The following TOX3 variants were observed in gnomAD, a reference collection of about 807,000 sequenced individuals.
The protein encoded by TOX3 is CAG trinucleotide repeat-containing gene F9 protein.
Under a neutral mutation model 64.3 loss-of-function variants are expected in TOX3, and 22 were observed. That is an observed-to-expected ratio of 0.34 (90% CI 0.24 to 0.49). The LOEUF (loss-of-function observed/expected upper bound fraction) is 0.49. Ranked by LOEUF, TOX3 falls within the 20% of genes least tolerant of loss-of-function variation. The pLI is 0.99. For synonymous variants in TOX3, 291 were observed against 273.6 expected (o/e 1.06, Z -0.63); for missense variants, 661 against 714.4 (o/e 0.93, Z 0.85).
intron 1 of TOX3, among the ~76,000 whole-genome samples, chr16:52,486,998 T>C (rs1403358416): frequency 1.3e-5 from 2 of 152,178 alleles, no homozygotes; most frequent in African/African-American, 4.8e-5. Flanking sequence ...ATGATCTTGC[T>C]TTGTTCTAAG....
Position 52,546,858 on chromosome 16 carries a change from G to C in TOX3, c.-135C>G, listed in dbSNP as rs2041040565. On this transcript the variant is annotated 5_prime_UTR_variant, in exon 1 of 7. Coordinates refer to ENST00000219746, the MANE Select transcript of TOX3 (RefSeq NM_001080430.4). ...GGGACTCGCGGCCGGAGGGGCGCCG[G>C]GACCCAGAGCCCGAGGAGCTCGGGA... The C allele has an allele frequency of 4.9e-6, 6 of 1,226,384 alleles. No individual in the cohort carries two copies. The highest frequency in any genetic ancestry group is 6.1e-6 in the Non-Finnish European group (6 of 983,332). The allele number at this position is 1,226,384 out of a possible 1,614,324, so 76.0% of individuals were successfully genotyped here.
chr16:52,541,126 T>C (rs1444518683), intron 1 of TOX3, among the ~76,000 whole-genome samples: 1 of 151,960 alleles, frequency 6.6e-6, no homozygotes, highest in Non-Finnish European at 1.5e-5. Flanking sequence ...AATCAGAATC[T>C]CCAAGGGTAA....
intron 1 of TOX3, among the ~76,000 whole-genome samples, chr16:52,513,491 T>C (rs1399992672): frequency 6.6e-6 from 1 of 152,154 alleles, no homozygotes; most frequent in Non-Finnish European, 1.5e-5. Flanking sequence ...AAATTGAAAA[T>C]ACACTAAAAC....
At chr16:52,546,215 C>T (rs1028729118) in intron 1 of TOX3, among the ~76,000 whole-genome samples, 2 of 151,902 alleles carry the variant, frequency 1.3e-5, no homozygotes, top group Non-Finnish European at 2.9e-5. Context: ...GTAAGAAGGA[C>T]TGGGGGTGGG....
chr16:52,447,490 A>C (rs574735515), intron 4 of TOX3, among the ~76,000 whole-genome samples: 1 of 152,320 alleles, frequency 6.6e-6, no homozygotes, highest in Non-Finnish European at 1.5e-5. Context: ...GAACACTCAA[A>C]GTGTTAAGAA....
intron 3 of TOX3, among the ~76,000 whole-genome samples, chr16:52,456,277 C>T (rs1014585086): frequency 2.0e-5 from 3 of 152,300 alleles, no homozygotes; most frequent in East Asian, 1.9e-4. Flanking sequence ...AAATCAATTG[C>T]GGACATTTCT....
chr16:52,484,676 T>C (rs1223679320), intron 1 of TOX3, among the ~76,000 whole-genome samples: 3 of 152,110 alleles, frequency 2.0e-5, no homozygotes, highest in Non-Finnish European at 4.4e-5. Flanking sequence ...TCATGGAGCA[T>C]CTAGCCCAGT....
chr16:52,446,268 A>C (rs750134836), intron 4 of TOX3, 47 bp from the exon 5 acceptor site: 57 of 1,576,298 alleles, frequency 3.6e-5, no homozygotes, highest in Non-Finnish European at 4.7e-5. Context: ...ACTTGCAGAG[A>C]ATGCAACAAG....
intron 1 of TOX3, chr16:52,519,403 T>C (rs1962538996): frequency 1.9e-6 from 3 of 1,551,414 alleles, no homozygotes; most frequent in South Asian, 2.4e-5. Flanking sequence ...GATTAGGTCT[T>C]ACTTTCAGAT....
intron 1 of TOX3, among the ~76,000 whole-genome samples, chr16:52,531,239 G>A (rs745646241): frequency 6.6e-6 from 1 of 152,076 alleles, no homozygotes; most frequent in African/African-American, 2.4e-5. Context: ...TAAAAACAAC[G>A]AATATATCCA....
chr16:52,458,165 A>T (rs1352090271), intron 3 of TOX3, among the ~76,000 whole-genome samples: 1 of 152,184 alleles, frequency 6.6e-6, no homozygotes, highest in African/African-American at 2.4e-5. Flanking sequence ...TCTTAATAAC[A>T]AGTAAATGTT....
At chr16:52,519,375 T>A in intron 1 of TOX3, 1 of 1,549,230 alleles carries the variant, frequency 6.5e-7, no homozygotes, top group Non-Finnish European at 8.7e-7. Flanking sequence ...TCCAGATCCA[T>A]TAGAAACCTC....
chr16:52,491,040 T>G (rs948070178), intron 1 of TOX3, among the ~76,000 whole-genome samples: 4 of 152,224 alleles, frequency 2.6e-5, no homozygotes, highest in Non-Finnish European at 4.4e-5. Context: ...TACATGTCAC[T>G]GTCAGGGTTA....
chr16:52,513,885 A>G (rs919910992), intron 1 of TOX3, among the ~76,000 whole-genome samples: 1 of 152,242 alleles, frequency 6.6e-6, no homozygotes, highest in East Asian at 1.9e-4. Flanking sequence ...GGAGGCCTGT[A>G]TTAAACCATT....
intron 1 of TOX3, among the ~76,000 whole-genome samples, chr16:52,537,135 C>T (rs1962968193): frequency 6.6e-6 from 1 of 152,086 alleles, no homozygotes; most frequent in Non-Finnish European, 1.5e-5. Flanking sequence ...AGCCCCACTT[C>T]AAAATGTCAC....
chr16:52,532,840 A>T (rs1037229399), intron 1 of TOX3, among the ~76,000 whole-genome samples: 2 of 152,192 alleles, frequency 1.3e-5, no homozygotes, highest in African/African-American at 4.8e-5. Context: ...AACCAGGAAC[A>T]TGGGGGCAGG....
At position 52,547,007 on chromosome 16, in the gene TOX3, G is replaced by T. The variant is rs1056344871; in HGVS notation, c.-284C>A. The stretch of plus-strand genomic sequence containing the variant: ...CGCGCGGGCCGGGCGCCGGGGGCGC[G>T]GGGCGCGGCGCTGGGGCCCGGGTCG... On this transcript the variant is annotated 5_prime_UTR_variant, in exon 1 of 7. Transcript: ENST00000219746. The T allele has an allele frequency of 1.1e-6, 1 of 952,040 alleles. No homozygotes were observed. The highest frequency in any genetic ancestry group is 1.2e-6 in the Non-Finnish European group (1 of 802,136). 59.0% of individuals were successfully genotyped at this position (952,040 alleles called of 1,614,324 possible). A position where few individuals can be genotyped will look rare whatever the true frequency, so the allele number is the denominator to read the frequency against.
At chr16:52,475,190 A>C (rs556378374) in intron 1 of TOX3, among the ~76,000 whole-genome samples, 5 of 152,310 alleles carry the variant, frequency 3.3e-5, no homozygotes, top group Admixed American at 6.5e-5. Context: ...TCCCACTAGA[A>C]TATAAATTCA....
At chr16:52,461,278 ATTCAC>A (rs1236070525) in intron 3 of TOX3, among the ~76,000 whole-genome samples, 1 of 152,156 alleles carries the variant, frequency 6.6e-6, no homozygotes, top group Non-Finnish European at 1.5e-5. Context: ...AAATACACGT[ATTCAC>A]GACAAGCAAA....
Sources: allele counts gnomAD v4.1 joint callset (sites outside exome capture counted in the v4.1 genomes callset), GRCh38; gene constraint gnomAD v4.1.1; transcripts MANE v1.5; gene names NCBI Gene and HGNC (gene_info 2026-07-23, HGNC 2026-07-21).